Variants in EDIL3 observed in about 807,000 individuals in gnomAD.
EDIL3 encodes EGF-like repeat and discoidin I-like domain-containing protein 3.
Under a neutral mutation model 67.4 loss-of-function variants are expected in EDIL3, and 37 were observed. The observed-to-expected ratio is 0.55, with a 90% CI of 0.42 to 0.72. EDIL3 has a LOEUF of 0.72. Among genes scored for constraint, EDIL3 ranks in the 30% least tolerant of loss-of-function variants. The pLI is 0.00. For missense variants in EDIL3, 527 were observed against 586.3 expected (o/e 0.90, Z 1.04); for synonymous variants, 195 against 196.3 (o/e 0.99, Z 0.05).
chr5:83,987,991 G>A (rs186386972), intron 9 of EDIL3, among the ~76,000 whole-genome samples: 4 of 151,842 alleles, frequency 2.6e-5, no homozygotes, highest in Admixed American at 1.3e-4. Context: ...CATCCAACGG[G>A]AGTACAGTTA....
intron 2 of EDIL3, among the ~76,000 whole-genome samples, chr5:84,246,414 G>A (rs528630940): frequency 5.7e-4 from 87 of 152,330 alleles, no homozygotes; most frequent in African/African-American, 2.0e-3. Context: ...CAACAAAGAC[G>A]TAAAAGATGT....
chr5:84,229,292 T>A (rs963393577), intron 3 of EDIL3, among the ~76,000 whole-genome samples: 2 of 152,284 alleles, frequency 1.3e-5, no homozygotes, highest in Non-Finnish European at 2.9e-5. Flanking sequence ...AAATACTAAT[T>A]AGCTGGATAA....
At chr5:84,377,354 C>G (rs1437022433) in intron 1 of EDIL3, among the ~76,000 whole-genome samples, 1 of 151,596 alleles carries the variant, frequency 6.6e-6, no homozygotes, top group African/African-American at 2.4e-5. Flanking sequence ...GAGCACAGAC[C>G]TAAGGCTCAG....
At position 84,060,402 on chromosome 5, in the gene EDIL3, G is replaced by A. The variant is rs777112235; in HGVS notation, c.1035C>T (p.Asn345=). Reference sequence around the variant, plus strand: ...TTGGTTCCCAAGTGAACATGTCCATGTTGAGCGTTCTGAAGATGCTGGAGG... The same window carrying A: ...TTGGTTCCCAAGTGAACATGTCCATATTGAGCGTTCTGAAGATGCTGGAGG... ...ITASSIFRTL[N]MDMFTWEPRK... The change falls in exon 9 of 11, where the codon AAC becomes AAT. Residue 345 remains asparagine, a synonymous_variant. Coordinates refer to ENST00000296591, the MANE Select transcript of EDIL3 (RefSeq NM_005711.5). 3 of 1,613,798 alleles carry A rather than the reference G, an allele frequency of 1.9e-6. No homozygotes were observed. The African/African-American group carries it at 4.0e-5, about 22-fold the overall frequency.
intron 1 of EDIL3, among the ~76,000 whole-genome samples, chr5:84,360,880 A>T (rs2112200740): frequency 6.6e-6 from 1 of 152,274 alleles, no homozygotes; most frequent in Middle Eastern, 3.4e-3. Flanking sequence ...GTGTTTAATT[A>T]TCTTACAAAA....
chr5:84,333,288 A>T (rs1746914161), intron 1 of EDIL3, among the ~76,000 whole-genome samples: 1 of 152,180 alleles, frequency 6.6e-6, no homozygotes, highest in South Asian at 2.1e-4. Context: ...AACTTTGTAT[A>T]TAACAAATGA....
chr5:84,130,394 T>C (rs1054947112), intron 5 of EDIL3, among the ~76,000 whole-genome samples: 4 of 152,178 alleles, frequency 2.6e-5, no homozygotes, highest in African/African-American at 9.6e-5. Context: ...TTGTACACAG[T>C]TACGCTAAGA....
intron 4 of EDIL3, among the ~76,000 whole-genome samples, chr5:84,176,320 T>C (rs933277362): frequency 7.4e-6 from 1 of 135,888 alleles, no homozygotes; most frequent in African/African-American, 2.7e-5. Flanking sequence ...ATATAATATA[T>C]ATATATTAGG....
intron 9 of EDIL3, among the ~76,000 whole-genome samples, chr5:84,052,239 C>T (rs964003963): frequency 6.6e-6 from 1 of 152,132 alleles, no homozygotes; most frequent in African/African-American, 2.4e-5. Flanking sequence ...AAATAAAATC[C>T]TTTACAGACA....
chr5:84,243,990 G>A lies in EDIL3; in HGVS notation c.196+10094C>T, dbSNP rs151228669. Among the ~76,000 whole-genome samples, 311 of 152,230 alleles carry A rather than the reference G, an allele frequency of 2.0e-3. 2 individuals are homozygous for A. The highest frequency in any genetic ancestry group is 7.2e-3 in the African/African-American group (298 of 41,534). ...TTTGATATATGTTAAACAATAAGTT[G>A]TCTTACAGTACAAAGTCACCTTGAG... On this transcript the variant is annotated intron_variant, in intron 2 of 10. Coordinates refer to ENST00000296591, the MANE Select transcript of EDIL3 (RefSeq NM_005711.5).
chr5:84,032,790 T>A (rs1051975952), intron 9 of EDIL3, among the ~76,000 whole-genome samples: 1 of 152,236 alleles, frequency 6.6e-6, no homozygotes, highest in Non-Finnish European at 1.5e-5. Flanking sequence ...ATACATGATA[T>A]CATTTGCTAC....
At chr5:83,988,053 G>A (rs1745086932) in intron 9 of EDIL3, among the ~76,000 whole-genome samples, 1 of 151,982 alleles carries the variant, frequency 6.6e-6, no homozygotes, top group Admixed American at 6.6e-5. Flanking sequence ...GTACTTGTCT[G>A]TACTTGCCTT....
At chr5:84,304,191 T>C (rs1437451736) in intron 1 of EDIL3, among the ~76,000 whole-genome samples, 3 of 152,204 alleles carry the variant, frequency 2.0e-5, no homozygotes, top group African/African-American at 7.2e-5. Flanking sequence ...GTCTTCACCA[T>C]TGAGTAACAG....
chr5:84,205,842 G>T (rs1743965816), intron 3 of EDIL3, among the ~76,000 whole-genome samples: 1 of 150,490 alleles, frequency 6.6e-6, no homozygotes, highest in Non-Finnish European at 1.5e-5. Context: ...TATCAATTTT[G>T]TTGATCCTTT....
At chr5:83,993,706 T>C (rs1393130909) in intron 9 of EDIL3, among the ~76,000 whole-genome samples, 1 of 152,198 alleles carries the variant, frequency 6.6e-6, no homozygotes, top group Admixed American at 6.5e-5. Flanking sequence ...GCTTTAGTTA[T>C]GGCCTGTTTT....
chr5:84,213,978 C>T (rs1049688999), intron 3 of EDIL3, among the ~76,000 whole-genome samples: 1 of 152,140 alleles, frequency 6.6e-6, no homozygotes, highest in Non-Finnish European at 1.5e-5. Flanking sequence ...GATTTGCAGG[C>T]TTGCCCCTTC....
chr5:84,180,608 G>GA, intron 3 of EDIL3, 87 bp from the exon 4 acceptor site: 3 of 1,377,610 alleles, frequency 2.2e-6, no homozygotes, highest in Non-Finnish European at 2.9e-6. Context: ...TAATTTTACA[G>GA]AAAAAAGTGT....
intron 9 of EDIL3, among the ~76,000 whole-genome samples, chr5:84,056,824 T>C (rs986392739): frequency 6.6e-6 from 1 of 152,118 alleles, no homozygotes; most frequent in African/African-American, 2.4e-5. Context: ...TTCAGAGGCG[T>C]CTGATTTTAT....
At chr5:83,993,869 C>T (rs1236366579) in intron 9 of EDIL3, among the ~76,000 whole-genome samples, 2 of 152,180 alleles carry the variant, frequency 1.3e-5, no homozygotes, top group Non-Finnish European at 2.9e-5. Context: ...ATACCCAGGT[C>T]TTCCAAGGCA....
Sources: gnomAD v4.1 joint callset for allele counts (sites outside exome capture counted in the v4.1 genomes callset) on GRCh38, gnomAD v4.1.1 for gene constraint, MANE v1.5 for transcripts, NCBI Gene and HGNC (gene_info 2026-07-23, HGNC 2026-07-21) for gene names.